The following FANCA variants were observed in gnomAD, a reference collection of about 807,000 sequenced individuals.
The protein encoded by FANCA is FA complementation group A.
A neutral mutation model predicts 194.3 loss-of-function variants in FANCA; 236 were observed. The ratio of observed to expected loss-of-function variants is 1.21; its 90% confidence interval spans 1.09 to 1.35. FANCA has a LOEUF of 1.35. Ranked by LOEUF, FANCA falls within the 40% of genes most tolerant of loss-of-function variation. The pLI is 0.00. For missense variants in FANCA, 2,628 were observed against 1,813.9 expected (o/e 1.45, Z -8.15); for synonymous variants, 1,014 against 715.8 (o/e 1.42, Z -6.65).
At chr16:89,804,014 A>G (rs2040548660) in intron 7 of FANCA, among the ~76,000 whole-genome samples, 2 of 152,174 alleles carry the variant, frequency 1.3e-5, no homozygotes, top group Non-Finnish European at 2.9e-5. Context: ...AGAGGGACCC[A>G]GAAGCATCCT....
At chr16:89,754,404 T>C (rs2038704116) in intron 30 of FANCA, among the ~76,000 whole-genome samples, 1 of 152,176 alleles carries the variant, frequency 6.6e-6, no homozygotes, top group Non-Finnish European at 1.5e-5. Flanking sequence ...TGAGTTTCAC[T>C]CTTGTCGCCC....
chr16:89,816,631 A>C lies in FANCA; in HGVS notation c.-16T>G. Reference sequence around the variant, plus strand: ...AGTCGGACATGGCCTTGGCGCCTACAGCCCCGGCGGCGGCTCCCTGCGCCC... The same window carrying C: ...AGTCGGACATGGCCTTGGCGCCTACCGCCCCGGCGGCGGCTCCCTGCGCCC... On this transcript the variant is annotated 5_prime_UTR_variant, in exon 1 of 43. Transcript: ENST00000389301. The C allele has an allele frequency of 1.3e-6, 2 of 1,517,852 alleles. No individual in the cohort carries two copies. The highest frequency in any genetic ancestry group is 2.4e-5 in the South Asian group (2 of 82,316). 94.0% of individuals were successfully genotyped at this position (1,517,852 alleles called of 1,614,324 possible). A position where few individuals can be genotyped will look rare whatever the true frequency, so the allele number is the denominator to read the frequency against.
intron 29 of FANCA, among the ~76,000 whole-genome samples, chr16:89,759,192 C>T (rs763184544): frequency 6.6e-6 from 1 of 151,254 alleles, no homozygotes; most frequent in Non-Finnish European, 1.5e-5. Context: ...TGGTGGTGGG[C>T]GCCTGTAGTC....
At chr16:89,750,810 G>A (rs996111432) in intron 31 of FANCA, among the ~76,000 whole-genome samples, 1 of 152,034 alleles carries the variant, frequency 6.6e-6, no homozygotes, top group Non-Finnish European at 1.5e-5. Context: ...AAAAACAGCA[G>A]GAGGACACTC....
chr16:89,803,477 A>C (rs898631645), intron 7 of FANCA, 136 bp from the exon 8 acceptor site: 1 of 768,846 alleles, frequency 1.3e-6, no homozygotes, highest in Non-Finnish European at 2.3e-6. Context: ...AGCTGCTCCT[A>C]ACCTGAGGAA....
At chr16:89,762,117 A>G (rs1209554599) in intron 28 of FANCA, 95 bp from the exon 29 acceptor site, 3 of 919,074 alleles carry the variant, frequency 3.3e-6, no homozygotes, top group Non-Finnish European at 5.5e-6. Flanking sequence ...TCTCATACGC[A>G]GTCCTCCATG....
chr16:89,763,964 G>C lies in FANCA; in HGVS notation c.2778+926C>G, dbSNP rs547911772. ...CAACAACAACAAAAAACAAGTTCTC[G>C]GGCGCAATGGCTCACGCCTGTAATT... On this transcript the variant is annotated intron_variant, in intron 28 of 42. Transcript: ENST00000389301. Among the ~76,000 whole-genome samples the C allele has an allele frequency of 2.1e-4, 32 of 150,812 alleles. No individual in the cohort carries two copies. In the South Asian group the frequency reaches 2.5e-3, roughly 12 times the overall value.
chr16:89,771,418 C>T (rs974230087), intron 23 of FANCA, among the ~76,000 whole-genome samples: 2 of 151,234 alleles, frequency 1.3e-5, no homozygotes, highest in African/African-American at 4.9e-5. Flanking sequence ...ATGATTGCAC[C>T]ACTGCACTCC....
rs773532455 is a variant in FANCA, at chr16:89,816,092, C to T, written c.80-106G>A. The T allele has an allele frequency of 8.4e-6, 7 of 828,852 alleles. No homozygotes were observed. The African/African-American group carries it at 1.0e-4, about 12-fold the overall frequency. The allele number at this position is 828,852 out of a possible 1,614,324, so 51.3% of individuals were successfully genotyped here. On this transcript the variant is annotated intron_variant, in intron 1 of 42. Coordinates refer to ENST00000389301, the MANE Select transcript of FANCA (RefSeq NM_000135.4). Reference sequence around the variant, plus strand: ...CGGAGAAACCCACCAGCGACACCCTCCCGAAGAGGGGCCGGGGCTCCTCCC... The same window carrying T: ...CGGAGAAACCCACCAGCGACACCCTTCCGAAGAGGGGCCGGGGCTCCTCCC...
intron 29 of FANCA, 145 bp from the exon 30 acceptor site, chr16:89,758,850 G>A: frequency 8.2e-7 from 1 of 1,220,756 alleles, no homozygotes; most frequent in South Asian, 1.3e-5. Context: ...TTGGAGTAGG[G>A]ATGAGACCTC....
intron 12 of FANCA, 151 bp from the exon 13 acceptor site, chr16:89,792,219 C>T (rs181938424): frequency 9.1e-6 from 9 of 993,872 alleles, no homozygotes; most frequent in Non-Finnish European, 1.4e-5. Context: ...CACACCGTGG[C>T]GTCTCTCCCC....
At chr16:89,812,655 A>AAAAAAAAAAAAAAAAC (rs2040936624) in intron 3 of FANCA, among the ~76,000 whole-genome samples, 3 of 125,332 alleles carry the variant, frequency 2.4e-5, no homozygotes, top group Admixed American at 8.1e-5. Context: ...TCAAAAAAAA[A>AAAAAAAAAAAAAAAAC]AAAAAAAAAA....
At chr16:89,754,751 T>C (rs2038713957) in intron 30 of FANCA, among the ~76,000 whole-genome samples, 1 of 152,048 alleles carries the variant, frequency 6.6e-6, no homozygotes, top group African/African-American at 2.4e-5. Flanking sequence ...AGCCAATGAA[T>C]ATACAAGAAT....
At chr16:89,789,750 C>G (rs2040007240) in intron 14 of FANCA, among the ~76,000 whole-genome samples, 1 of 152,042 alleles carries the variant, frequency 6.6e-6, no homozygotes, top group African/African-American at 2.4e-5. Context: ...GAACCCAAAA[C>G]TTCTACAAAA....
chr16:89,745,077 G>A lies in FANCA; in HGVS notation c.3514-6C>T, dbSNP rs1018130831. 3.8e-6 allele frequency: 6 copies of A among 1,596,278 alleles called. No individual in the cohort carries two copies. The highest frequency in any genetic ancestry group is 5.1e-6 in the Non-Finnish European group (6 of 1,175,034). ...TCCAGGCTCGGCCACCACACCTATG[G>A]AGAGAGCACCAGCACACAGATGAGG... On this transcript the variant is annotated splice_region_variant and splice_polypyrimidine_tract_variant and intron_variant, in intron 35 of 42. Transcript: ENST00000389301.
intron 31 of FANCA, among the ~76,000 whole-genome samples, chr16:89,751,426 C>T (rs1254577453): frequency 1.3e-5 from 2 of 152,108 alleles, no homozygotes; most frequent in African/African-American, 4.8e-5. Context: ...GAGATATGAT[C>T]GCACCACTGT....
intron 36 of FANCA, among the ~76,000 whole-genome samples, chr16:89,744,096 T>C (rs765126474): frequency 2.0e-5 from 3 of 152,154 alleles, no homozygotes; most frequent in Non-Finnish European, 2.9e-5. Flanking sequence ...TTGTTTCACA[T>C]GTTGGCCAGG....
chr16:89,814,317 G>C (rs984573896), intron 3 of FANCA, among the ~76,000 whole-genome samples: 2 of 152,154 alleles, frequency 1.3e-5, no homozygotes, highest in African/African-American at 4.8e-5. Flanking sequence ...GTCGCAGGTT[G>C]AATCAGACGC....
intron 38 of FANCA, chr16:89,740,394 C>A: frequency 2.0e-6 from 1 of 489,898 alleles, no homozygotes; most frequent in Non-Finnish European, 3.7e-6. Flanking sequence ...AATCCCAACA[C>A]TTTGGGAGGC....
Sources: allele counts gnomAD v4.1 joint callset (sites outside exome capture counted in the v4.1 genomes callset), GRCh38; gene constraint gnomAD v4.1.1; transcripts MANE v1.5; gene names NCBI Gene and HGNC (gene_info 2026-07-23, HGNC 2026-07-21).